Variants in SYT16 observed in about 807,000 individuals in gnomAD.
SYT16 encodes the protein synaptotagmin-16.
Under a neutral mutation model 61.4 loss-of-function variants are expected in SYT16, and 42 were observed. The observed-to-expected ratio is 0.68, with a 90% confidence interval of 0.53 to 0.89. SYT16 has a LOEUF of 0.89. SYT16 is among the 40% of genes least tolerant of loss of function. The pLI, the probability that SYT16 is intolerant of heterozygous loss-of-function variation, is 0.00. For missense variants in SYT16, 804 were observed against 807.3 expected (o/e 1.00, Z 0.05); for synonymous variants, 314 against 302.3 (o/e 1.04, Z -0.40).
intron 1 of SYT16, among the ~76,000 whole-genome samples, chr14:61,914,636 C>T (rs1264062732): frequency 6.6e-6 from 1 of 152,142 alleles, no homozygotes; most frequent in Non-Finnish European, 1.5e-5. Context: ...ATCTTTGACT[C>T]ATTTTCTTCA....
At chr14:61,850,727 CT>C (rs2140270555) in intron 1 of SYT16, among the ~76,000 whole-genome samples, 1 of 152,238 alleles carries the variant, frequency 6.6e-6, no homozygotes, top group Admixed American at 6.5e-5. Flanking sequence ...TGTAATCTTT[CT>C]ATTTGCCCTA....
chr14:61,892,119 C>T lies in SYT16; in HGVS notation c.-324-78013C>T, dbSNP rs529564472. ...TTACTCCCCTTTCTGCATCTCTGCCCCTTCTCCTTCGCCCTGCATCCTCCC... is the reference window on the plus strand; with the variant it reads ...TTACTCCCCTTTCTGCATCTCTGCCTCTTCTCCTTCGCCCTGCATCCTCCC... On this transcript the variant is annotated intron_variant, in intron 1 of 7. Coordinates refer to ENST00000683842, the MANE Select transcript of SYT16 (RefSeq NM_001367656.1). 6.6e-5 allele frequency among the ~76,000 whole-genome samples: 10 copies of T among 152,064 alleles called. No homozygotes were observed. The South Asian group carries it at 2.1e-3, about 32-fold the overall frequency.
chr14:61,914,299 C>T (rs1050611627), intron 1 of SYT16, among the ~76,000 whole-genome samples: 1 of 152,138 alleles, frequency 6.6e-6, no homozygotes, highest in African/African-American at 2.4e-5. Context: ...AGATGACGCA[C>T]TATTTTTGCT....
At chr14:61,930,286 G>A (rs549378506) in intron 1 of SYT16, among the ~76,000 whole-genome samples, 1 of 152,088 alleles carries the variant, frequency 6.6e-6, no homozygotes, top group Non-Finnish European at 1.5e-5. Context: ...TGTTCACAGA[G>A]CCGTGTGTAC....
chr14:61,953,141 T>G (rs2050738279), intron 1 of SYT16, among the ~76,000 whole-genome samples: 1 of 152,190 alleles, frequency 6.6e-6, no homozygotes, highest in African/African-American at 2.4e-5. Context: ...TTTAAGTGGC[T>G]TATTTAATTT....
At chr14:61,817,833 C>T (rs1424729322) in intron 1 of SYT16, among the ~76,000 whole-genome samples, 2 of 152,060 alleles carry the variant, frequency 1.3e-5, no homozygotes, top group Non-Finnish European at 2.9e-5. Context: ...ACCTAAATGT[C>T]AAAGGCTTTA....
At chr14:62,039,623 C>CA (rs1348325355) in intron 3 of SYT16, among the ~76,000 whole-genome samples, 2 of 152,004 alleles carry the variant, frequency 1.3e-5, no homozygotes, top group Non-Finnish European at 2.9e-5. Flanking sequence ...ATTTTTAATG[C>CA]ATTAAGAATA....
At chr14:62,097,427 TTAGC>T (rs1398840053) in intron 7 of SYT16, among the ~76,000 whole-genome samples, 2 of 152,188 alleles carry the variant, frequency 1.3e-5, no homozygotes, top group Admixed American at 1.3e-4. Context: ...GCATATTTAC[TTAGC>T]TAGAGTCTTT....
At chr14:61,887,523 G>A (rs1306537015) in intron 1 of SYT16, among the ~76,000 whole-genome samples, 1 of 152,206 alleles carries the variant, frequency 6.6e-6, no homozygotes, top group Non-Finnish European at 1.5e-5. Context: ...ATAGAAGGCT[G>A]TTTTGTGTAC....
At chr14:62,066,990 A>G (rs1282177917) in intron 3 of SYT16, among the ~76,000 whole-genome samples, 1 of 152,192 alleles carries the variant, frequency 6.6e-6, no homozygotes, top group Non-Finnish European at 1.5e-5. Context: ...TCAGGGAAGG[A>G]CTTTCTGGAA....
At chr14:61,926,952 G>C (rs1246851054) in intron 1 of SYT16, among the ~76,000 whole-genome samples, 2 of 152,072 alleles carry the variant, frequency 1.3e-5, no homozygotes, top group Non-Finnish European at 1.5e-5. Context: ...TTTTTACTTA[G>C]GTGAAATAGA....
At chr14:61,945,842 C>T (rs545241991) in intron 1 of SYT16, among the ~76,000 whole-genome samples, 16 of 111,486 alleles carry the variant, frequency 1.4e-4, no homozygotes, top group African/African-American at 4.9e-4. Flanking sequence ...GGCGACAGAG[C>T]GAGACTCCGT....
chr14:62,042,307 C>A (rs1254927), intron 3 of SYT16, among the ~76,000 whole-genome samples: 76,045 of 151,880 alleles, frequency 0.5, 19,626 homozygotes, highest in African/African-American at 0.63. Context: ...CCAGCCCAAA[C>A]ATTTTTGATT....
intron 2 of SYT16, among the ~76,000 whole-genome samples, chr14:61,973,333 T>C (rs1325578094): frequency 6.6e-6 from 1 of 152,142 alleles, no homozygotes; most frequent in East Asian, 1.9e-4. Context: ...GTAATAGTAA[T>C]AATAATAATA....
chr14:61,860,956 G>C (rs2046944196), intron 1 of SYT16, among the ~76,000 whole-genome samples: 1 of 152,184 alleles, frequency 6.6e-6, no homozygotes, highest in Non-Finnish European at 1.5e-5. Flanking sequence ...GCTGGGGGAA[G>C]AAGAAAGCAA....
chr14:61,841,111 A>G (rs1025196413), intron 1 of SYT16, among the ~76,000 whole-genome samples: 1 of 152,220 alleles, frequency 6.6e-6, no homozygotes, highest in Non-Finnish European at 1.5e-5. Flanking sequence ...AAATCCCCTA[A>G]GATTTCCCTG....
chr14:61,979,435 T>C (rs1212453468), intron 2 of SYT16, among the ~76,000 whole-genome samples: 1 of 152,210 alleles, frequency 6.6e-6, no homozygotes, highest in Non-Finnish European at 1.5e-5. Flanking sequence ...AATTTTCTTT[T>C]ACCTGTACCC....
chr14:61,886,880 C>CTTTTT (rs371140698), intron 1 of SYT16, among the ~76,000 whole-genome samples: 12 of 110,848 alleles, frequency 1.1e-4, no homozygotes, highest in Non-Finnish European at 1.4e-4. Context: ...TTTTTTTTGT[C>CTTTTT]TTTTTTTTTT....
At chr14:61,859,402 A>G (rs2046896875) in intron 1 of SYT16, among the ~76,000 whole-genome samples, 1 of 151,960 alleles carries the variant, frequency 6.6e-6, no homozygotes, top group Non-Finnish European at 1.5e-5. Flanking sequence ...TGCTATGTAA[A>G]CTTCACATTT....
Sources: gnomAD v4.1 joint callset for allele counts (sites outside exome capture counted in the v4.1 genomes callset) on GRCh38, gnomAD v4.1.1 for gene constraint, MANE v1.5 for transcripts, NCBI Gene and HGNC (gene_info 2026-07-23, HGNC 2026-07-21) for gene names.